Variants in RBFOX3 observed in about 807,000 individuals in gnomAD.
The protein encoded by RBFOX3 is RNA binding fox-1 homolog 3.
A neutral mutation model predicts 48.7 loss-of-function variants in RBFOX3; 17 were observed. The ratio of observed to expected loss-of-function variants is 0.35; its 90% CI spans 0.24 to 0.52. The LOEUF (loss-of-function observed/expected upper bound fraction) is 0.52. Ranked by LOEUF, RBFOX3 falls within the 20% of genes least tolerant of loss-of-function variation. The pLI is 0.94. For synonymous variants in RBFOX3, 212 were observed against 209.5 expected (o/e 1.01, Z -0.10); for missense variants, 382 against 497.5 (o/e 0.77, Z 2.21).
chr17:79,349,430 TCTC>T (rs2083472255), intron 2 of RBFOX3, among the ~76,000 whole-genome samples: 1 of 151,634 alleles, frequency 6.6e-6, no homozygotes, highest in East Asian at 2.0e-4. Context: ...CACCTCTCAC[TCTC>T]CTCCTCACTT....
intron 5 of RBFOX3, among the ~76,000 whole-genome samples, chr17:79,112,448 C>G (rs991525888): frequency 6.6e-6 from 1 of 152,134 alleles, no homozygotes; most frequent in Non-Finnish European, 1.5e-5. Flanking sequence ...GAAGAGGCCT[C>G]GTGGTTCCAG....
At chr17:79,388,416 A>G (rs1299473736) in intron 2 of RBFOX3, among the ~76,000 whole-genome samples, 1 of 152,168 alleles carries the variant, frequency 6.6e-6, no homozygotes, top group East Asian at 1.9e-4. Context: ...CTCCCCACGC[A>G]TGGAGCCTGT....
chr17:79,198,185 T>A lies in RBFOX3; in HGVS notation c.-34+37581A>T, dbSNP rs2056063472. On this transcript the variant is annotated intron_variant, in intron 4 of 14. Coordinates refer to ENST00000693108, the MANE Select transcript of RBFOX3 (RefSeq NM_001350451.2). The surrounding 1 kb of genome is among the most constrained non-coding windows in gnomAD (Gnocchi z 8.2). Reference sequence around the variant, plus strand: ...TCATCCCGGAAGTGCTACGGTTGCATCGCTGGACCATCCTCAACACTGGAC... The same window carrying A: ...TCATCCCGGAAGTGCTACGGTTGCAACGCTGGACCATCCTCAACACTGGAC... 6.6e-6 allele frequency among the ~76,000 whole-genome samples: 1 copy of A among 152,034 alleles called. No individual in the cohort carries two copies. The highest frequency in any genetic ancestry group is 1.5e-5 in the Non-Finnish European group (1 of 68,026).
chr17:79,446,800 G>A lies in RBFOX3; in HGVS notation c.-175+35654C>T, dbSNP rs1042361328. Among the ~76,000 whole-genome samples the A allele has an allele frequency of 3.5e-5, 4 of 112,878 alleles. No homozygotes were observed. In the Admixed American group the frequency reaches 3.7e-4, roughly 10 times the overall value. The allele number at this position is 112,878 out of a possible 152,430, so 74.1% of individuals were successfully genotyped here. On this transcript the variant is annotated intron_variant, in intron 2 of 14. Coordinates refer to ENST00000693108, the MANE Select transcript of RBFOX3 (RefSeq NM_001350451.2). ...CAGGGGCAGTCACGGAGCTGCACACGGCCCATGGGGCAGCCCTGCTCTGCA... is the reference window on the plus strand; with the variant it reads ...CAGGGGCAGTCACGGAGCTGCACACAGCCCATGGGGCAGCCCTGCTCTGCA...
chr17:79,651,075 G>T, the RBFOX3 span, among the ~76,000 whole-genome samples: 1 of 152,196 alleles, frequency 6.6e-6, no homozygotes, highest in Non-Finnish European at 1.5e-5. Flanking sequence ...GTCCCTGCAG[G>T]GTTGAGTTCC....
At position 79,558,815 on chromosome 17, in the gene RBFOX3, C is replaced by T. The variant is rs991418653; in HGVS notation, c.-320+52011G>A. On this transcript the variant is annotated intron_variant, in intron 1 of 14. Coordinates refer to ENST00000693108, the MANE Select transcript of RBFOX3 (RefSeq NM_001350451.2). Reference sequence around the variant, plus strand: ...ACCGAGGCCAGCTGCACAAGAAGGACATTGACAATGGTGGGGGGTGTGCCA... The same window carrying T: ...ACCGAGGCCAGCTGCACAAGAAGGATATTGACAATGGTGGGGGGTGTGCCA... 1.4e-4 allele frequency among the ~76,000 whole-genome samples: 21 copies of T among 152,300 alleles called. No homozygotes were observed. The East Asian group carries it at 2.7e-3, about 20-fold the overall frequency.
chr17:79,589,397 C>T (rs2093353627), intron 1 of RBFOX3, among the ~76,000 whole-genome samples: 1 of 152,142 alleles, frequency 6.6e-6, no homozygotes, highest in Admixed American at 6.5e-5. Context: ...CATCACCGTC[C>T]CCTGTTTGTG....
chr17:79,549,388 C>T (rs2092385661), intron 1 of RBFOX3, among the ~76,000 whole-genome samples: 1 of 152,240 alleles, frequency 6.6e-6, no homozygotes, highest in African/African-American at 2.4e-5. Context: ...TCCCTTTTTC[C>T]ACTAGAGACA....
At chr17:79,389,003 G>A (rs537335832) in intron 2 of RBFOX3, among the ~76,000 whole-genome samples, 29 of 152,348 alleles carry the variant, frequency 1.9e-4, no homozygotes, top group Non-Finnish European at 3.5e-4. Flanking sequence ...AAGCATTTCA[G>A]AGGGAGACGT....
Position 79,204,403 on chromosome 17 carries a change from A to AAAG in RBFOX3, c.-34+31360_-34+31362dup, listed in dbSNP as rs1370292079. On this transcript the variant is annotated intron_variant, in intron 4 of 14. Transcript: ENST00000693108. The surrounding 1 kb of genome is among the most constrained non-coding windows in gnomAD (Gnocchi z 4.5). The stretch of plus-strand genomic sequence containing the variant: ...GAACAGAGGAGAGATTACTGACGTG[A>AAAG]AAGTAACTTCTCATGACTCAGGGCT... Among the ~76,000 whole-genome samples the AAAG allele has an allele frequency of 1.3e-5, 2 of 152,216 alleles. No homozygotes were observed. Among genetic ancestry groups the AAAG allele is most frequent in the East Asian group, 3.9e-4 (2 of 5,190 alleles).
chr17:79,261,528 G>A (rs1480553790), intron 3 of RBFOX3, among the ~76,000 whole-genome samples: 1 of 152,232 alleles, frequency 6.6e-6, no homozygotes, highest in Non-Finnish European at 1.5e-5. Context: ...CCAGGCCTGT[G>A]CGGCTCTCTC....
At chr17:79,355,291 G>A (rs536562835) in intron 2 of RBFOX3, among the ~76,000 whole-genome samples, 75 of 152,342 alleles carry the variant, frequency 4.9e-4, no homozygotes, top group Non-Finnish European at 6.3e-4. Context: ...AGAACGTATC[G>A]AGGGCTCTGG....
intron 2 of RBFOX3, among the ~76,000 whole-genome samples, chr17:79,335,732 C>T (rs1030379086): frequency 2.0e-5 from 3 of 152,216 alleles, no homozygotes; most frequent in Admixed American, 1.3e-4. Context: ...TGCTGTGCTC[C>T]ACCTGAGCCC....
At chr17:79,190,131 G>T (rs1326161211) in intron 4 of RBFOX3, among the ~76,000 whole-genome samples, 2 of 152,222 alleles carry the variant, frequency 1.3e-5, no homozygotes, top group Non-Finnish European at 2.9e-5. Context: ...CAGAGTGAAG[G>T]CCGGGTGCAG....
Position 79,585,260 on chromosome 17 carries a change from T to C in RBFOX3, c.-320+25566A>G, listed in dbSNP as rs2093211128. Among the ~76,000 whole-genome samples, 5 of 152,022 alleles carry C rather than the reference T, an allele frequency of 3.3e-5. No individual in the cohort carries two copies. The South Asian group carries it at 1.0e-3, about 32-fold the overall frequency. On this transcript the variant is annotated intron_variant, in intron 1 of 14. Transcript: ENST00000693108. ...CCATTGGAATAAAAAAATTAAACAA[T>C]TAAAAATTTTTAAAAGGCCAGATGA...
rs8082232 is a variant in RBFOX3, at chr17:79,343,422, C to T, written c.-174-35598G>A. Among the ~76,000 whole-genome samples the T allele has an allele frequency of 6.6e-3, 1,011 of 152,220 alleles. 18 individuals are homozygous for T. The highest frequency in any genetic ancestry group is 0.023 in the African/African-American group (966 of 41,514). On this transcript the variant is annotated intron_variant, in intron 2 of 14. Coordinates refer to ENST00000693108, the MANE Select transcript of RBFOX3 (RefSeq NM_001350451.2). ...GTCCCAGCTACTCGGGAAGCTGAGG[C>T]ATGAGAATTGCTTGAATTTGGGAGA...
At chr17:79,264,202 A>G (rs914350303) in intron 3 of RBFOX3, among the ~76,000 whole-genome samples, 20 of 151,608 alleles carry the variant, frequency 1.3e-4, no homozygotes, top group African/African-American at 4.6e-4. Flanking sequence ...CGGCCTCCCA[A>G]GTAGCTGGGA....
rs2057320955 is a variant in RBFOX3, at chr17:79,363,687, G to A, written c.-174-55863C>T. On this transcript the variant is annotated intron_variant, in intron 2 of 14. Coordinates refer to ENST00000693108, the MANE Select transcript of RBFOX3 (RefSeq NM_001350451.2). This position sits in a 1 kb window ranked among gnomAD's most constrained non-coding sequence, Gnocchi z 4.7. ...GCCAGTATCCAGGCCACCAGCAGGT[G>A]TTTCAGGGACCTCCGACACGCCTCC... 6.6e-6 allele frequency among the ~76,000 whole-genome samples: 1 copy of A among 151,866 alleles called. No individual in the cohort carries two copies. Among genetic ancestry groups the A allele is most frequent in the Non-Finnish European group, 1.5e-5 (1 of 67,956 alleles).
At chr17:79,317,855 C>T (rs2077751442) in intron 2 of RBFOX3, among the ~76,000 whole-genome samples, 1 of 152,206 alleles carries the variant, frequency 6.6e-6, no homozygotes, top group African/African-American at 2.4e-5. Context: ...GAGATTCGAT[C>T]TGGCTGGCAA....
Sources: allele counts gnomAD v4.1 joint callset (sites outside exome capture counted in the v4.1 genomes callset), GRCh38; gene constraint gnomAD v4.1.1; non-coding constraint Gnocchi (gnomAD v3.1); transcripts MANE v1.5; gene names NCBI Gene and HGNC (gene_info 2026-07-23, HGNC 2026-07-21).